Variants in NRXN3 observed in about 807,000 individuals in gnomAD.
NRXN3 encodes the protein neurexin 3.
Under a neutral mutation model 137.6 loss-of-function variants are expected in NRXN3, and 32 were observed. That is an observed-to-expected ratio of 0.23 (90% CI 0.18 to 0.31). The LOEUF is 0.31. Ranked by LOEUF, NRXN3 falls within the 10% of genes least tolerant of loss-of-function variation. The probability of loss-of-function intolerance (pLI) is 1.00; values close to 1 mark genes in which losing one functional copy is unlikely to be tolerated. For synonymous variants in NRXN3, 798 were observed against 784.5 expected (o/e 1.02, Z -0.29); for missense variants, 1,574 against 2,062.5 (o/e 0.76, Z 4.59).
intron 4 of NRXN3, among the ~76,000 whole-genome samples, chr14:78,562,727 C>T (rs2152276582): frequency 6.6e-6 from 1 of 152,312 alleles, no homozygotes; most frequent in Non-Finnish European, 1.5e-5. Context: ...CCAGCCAACT[C>T]ATAGCACCAT....
intron 4 of NRXN3, among the ~76,000 whole-genome samples, chr14:78,471,322 A>G (rs2095264851): frequency 1.1e-5 from 1 of 95,206 alleles, no homozygotes; most frequent in South Asian, 5.3e-4. Flanking sequence ...ACACACACAC[A>G]CACACACACA....
At chr14:79,122,255 A>C (rs942995472) in intron 15 of NRXN3, among the ~76,000 whole-genome samples, 23 of 152,172 alleles carry the variant, frequency 1.5e-4, no homozygotes, top group African/African-American at 4.8e-4. Flanking sequence ...TGAGCAGCAA[A>C]CAGGAATTGA....
intron 15 of NRXN3, among the ~76,000 whole-genome samples, chr14:79,155,158 T>C (rs1357754488): frequency 6.6e-6 from 1 of 151,950 alleles, no homozygotes; most frequent in African/African-American, 2.4e-5. Flanking sequence ...TCATCAATGG[T>C]GGAGCATCCT....
At chr14:79,304,772 G>C (rs765115431) in intron 15 of NRXN3, among the ~76,000 whole-genome samples, 5 of 152,080 alleles carry the variant, frequency 3.3e-5, no homozygotes, top group Non-Finnish European at 5.9e-5. Flanking sequence ...AACTGGCTCT[G>C]TCTGCTCAGG....
intron 19 of NRXN3, among the ~76,000 whole-genome samples, chr14:79,757,595 G>A (rs2099024090): frequency 6.6e-6 from 1 of 152,180 alleles, no homozygotes; most frequent in South Asian, 2.1e-4. Context: ...AAAATTCTGT[G>A]AAGCATTTGG....
At chr14:78,753,037 C>T (rs533701367) in intron 8 of NRXN3, among the ~76,000 whole-genome samples, 8 of 152,150 alleles carry the variant, frequency 5.3e-5, no homozygotes, top group Non-Finnish European at 7.4e-5. Context: ...ACCGACTCTG[C>T]CCTTAGATAC....
chr14:79,480,887 T>C (rs1406105358), intron 16 of NRXN3, among the ~76,000 whole-genome samples: 3 of 152,166 alleles, frequency 2.0e-5, no homozygotes, highest in African/African-American at 7.2e-5. Flanking sequence ...ATTGTAAGTT[T>C]CCTGAGGCCT....
chr14:78,932,371 A>C (rs565677144), intron 10 of NRXN3, among the ~76,000 whole-genome samples: 119 of 152,278 alleles, frequency 7.8e-4, no homozygotes, highest in African/African-American at 2.8e-3. Flanking sequence ...ATAATAGTTT[A>C]TGGCCTTATA....
At chr14:78,564,891 A>G (rs2096823385) in intron 4 of NRXN3, among the ~76,000 whole-genome samples, 1 of 152,126 alleles carries the variant, frequency 6.6e-6, no homozygotes, top group African/African-American at 2.4e-5. Flanking sequence ...CTCAGGGATC[A>G]GATTATGTTC....
intron 4 of NRXN3, among the ~76,000 whole-genome samples, chr14:78,585,143 G>C (rs557172003): frequency 3.4e-5 from 5 of 148,828 alleles, no homozygotes; most frequent in Non-Finnish European, 7.4e-5. Flanking sequence ...GAGATAAGGG[G>C]GGGGGGTGAT....
chr14:79,254,582 G>T (rs369097148), intron 15 of NRXN3, among the ~76,000 whole-genome samples: 1 of 152,148 alleles, frequency 6.6e-6, no homozygotes, highest in Non-Finnish European at 1.5e-5. Context: ...AACAGCTGAC[G>T]AACATGCGGG....
At chr14:78,951,841 A>G (rs1227240700) in intron 10 of NRXN3, among the ~76,000 whole-genome samples, 2 of 152,218 alleles carry the variant, frequency 1.3e-5, no homozygotes, top group African/African-American at 4.8e-5. Flanking sequence ...AGTGAGTAAC[A>G]GTATTCTATT....
chr14:79,499,956 C>CTTGTGTGT (rs60538373), intron 16 of NRXN3, among the ~76,000 whole-genome samples: 5 of 145,140 alleles, frequency 3.4e-5, no homozygotes, highest in African/African-American at 1.3e-4. Context: ...ATCTTAGGGT[C>CTTGTGTGT]GTGTGTGTGT....
At chr14:78,319,637 C>T (rs1229970384) in intron 4 of NRXN3, among the ~76,000 whole-genome samples, 1 of 152,172 alleles carries the variant, frequency 6.6e-6, no homozygotes, top group Admixed American at 6.5e-5. Flanking sequence ...TTGGGTGACT[C>T]CCAACAGCGA....
At chr14:79,037,774 A>T (rs569108187) in intron 15 of NRXN3, among the ~76,000 whole-genome samples, 1 of 152,072 alleles carries the variant, frequency 6.6e-6, no homozygotes, top group Non-Finnish European at 1.5e-5. Flanking sequence ...CGGGAGATGA[A>T]GGGTTGTGGG....
chr14:79,551,577 TTCG>T (rs750045601), intron 16 of NRXN3, among the ~76,000 whole-genome samples: 19 of 152,192 alleles, frequency 1.2e-4, no homozygotes, highest in Non-Finnish European at 2.6e-4. Context: ...TTATGTTTTC[TTCG>T]TCAAGAGTTT....
At chr14:78,636,836 A>AT (rs1555410754) in intron 4 of NRXN3, among the ~76,000 whole-genome samples, 1 of 151,774 alleles carries the variant, frequency 6.6e-6, no homozygotes. Flanking sequence ...TTTATTTTTT[A>AT]TTTTTTTAGC....
chr14:79,581,221 A>G (rs556015946), intron 16 of NRXN3, among the ~76,000 whole-genome samples: 2 of 152,222 alleles, frequency 1.3e-5, no homozygotes, highest in Admixed American at 1.3e-4. Flanking sequence ...CCAAGTTAGG[A>G]CATATCTTTA....
At position 79,280,099 on chromosome 14, in the gene NRXN3, C is replaced by CT. The variant is rs113717753; in HGVS notation, c.3263-187112dup. ...AGAGAAGGGGCTTTTTGCCTTTTAT[C>CT]TTTTTTTTTTCTTTCTTTAAGTAGT... On this transcript the variant is annotated intron_variant, in intron 15 of 20. Coordinates refer to ENST00000335750, the MANE Select transcript of NRXN3 (RefSeq NM_001330195.2). The CT allele has an allele frequency of 4.7e-3, 5,967 of 1,261,122 alleles. 3 individuals are homozygous for CT. The highest frequency in any genetic ancestry group is 1.0e-2 in the Middle Eastern group (33 of 3,304). The allele number at this position is 1,261,122 out of a possible 1,614,324, so 78.1% of individuals were successfully genotyped here.
Sources: allele counts gnomAD v4.1 joint callset (sites outside exome capture counted in the v4.1 genomes callset), GRCh38; gene constraint gnomAD v4.1.1; transcripts MANE v1.5; gene names NCBI Gene and HGNC (gene_info 2026-07-23, HGNC 2026-07-21).